SV2B: variants seen among roughly 807,000 people sequenced by gnomAD.
SV2B encodes the protein solute carrier family 22 member B2.
SV2B carries 41 observed loss-of-function variants against 73.9 expected under a neutral mutation model. The observed-to-expected ratio is 0.56, with a 90% CI of 0.43 to 0.72. The LOEUF (loss-of-function observed/expected upper bound fraction) is 0.72. Ranked by LOEUF, SV2B falls within the 30% of genes least tolerant of loss-of-function variation. SV2B has a pLI of 0.00. For synonymous variants in SV2B, 314 were observed against 314.2 expected (o/e 1.00, Z 0.01); for missense variants, 764 against 857.8 (o/e 0.89, Z 1.37).
intron 1 of SV2B, among the ~76,000 whole-genome samples, chr15:91,125,330 T>G (rs1335412269): frequency 1.3e-5 from 2 of 152,164 alleles, no homozygotes; most frequent in African/African-American, 4.8e-5. Flanking sequence ...CTTGTTGAGT[T>G]TCTGTTCTGT....
chr15:91,249,458 A>T (rs1567391707), intron 2 of SV2B, among the ~76,000 whole-genome samples: 1 of 152,242 alleles, frequency 6.6e-6, no homozygotes, highest in African/African-American at 2.4e-5. Context: ...GGATGGAACC[A>T]TTCCTCACTT....
rs1016275215 is a variant in SV2B at position 91,105,567 on chromosome 15, C to A, written c.-392+5204C>A. 6.6e-6 allele frequency among the ~76,000 whole-genome samples: 1 copy of A among 152,168 alleles called. No individual in the cohort carries two copies. Among genetic ancestry groups the A allele is most frequent in the Non-Finnish European group, 1.5e-5 (1 of 68,028 alleles). On this transcript the variant is annotated intron_variant, in intron 1 of 12. Transcript: ENST00000394232. The surrounding 1 kb of genome is among the most constrained non-coding windows in gnomAD (Gnocchi z 5.5). ...TGTAGGGCCTTGTGTAGACTTTAGC[C>A]TTTATTTTGAGGAAAATGGGACACC...
chr15:91,205,591 C>G (rs1437840262), intron 1 of SV2B, among the ~76,000 whole-genome samples: 1 of 152,082 alleles, frequency 6.6e-6, no homozygotes, highest in African/African-American at 2.4e-5. Flanking sequence ...GTCTCGAACT[C>G]TTGATATCAA....
chr15:91,235,357 A>G (rs1008604902), intron 2 of SV2B, among the ~76,000 whole-genome samples: 3 of 152,180 alleles, frequency 2.0e-5, no homozygotes, highest in African/African-American at 4.8e-5. Context: ...TTATTATAAT[A>G]CAGTCGGTGA....
intron 1 of SV2B, among the ~76,000 whole-genome samples, chr15:91,119,942 T>G (rs2151742642): frequency 1.3e-5 from 2 of 152,396 alleles, no homozygotes; most frequent in Middle Eastern, 3.4e-3. Context: ...TTTCCATATT[T>G]GTAAAAGCTC....
At position 91,214,415 on chromosome 15, in the gene SV2B, C is replaced by T. The variant is rs1177496341; in HGVS notation, c.-391-11458C>T. ...TATAACAATAGCTATTTTTATTGAG[C>T]TCTTTCTTGGTGATGGACACTGTGC... On this transcript the variant is annotated intron_variant, in intron 1 of 12. Coordinates refer to ENST00000394232, the MANE Select transcript of SV2B (RefSeq NM_001323032.3). The surrounding 1 kb of genome is among the most constrained non-coding windows in gnomAD (Gnocchi z 4.7). 2.0e-5 allele frequency among the ~76,000 whole-genome samples: 3 copies of T among 152,174 alleles called. No individual in the cohort carries two copies. The highest frequency in any genetic ancestry group is 7.2e-5 in the African/African-American group (3 of 41,434).
intron 1 of SV2B, among the ~76,000 whole-genome samples, chr15:91,219,348 C>G (rs1337072060): frequency 1.3e-5 from 2 of 152,120 alleles, no homozygotes; most frequent in African/African-American, 4.8e-5. Context: ...GGCTTATGAC[C>G]AAGATGTGCT....
At chr15:91,235,680 G>A (rs907909101) in intron 2 of SV2B, among the ~76,000 whole-genome samples, 1 of 152,174 alleles carries the variant, frequency 6.6e-6, no homozygotes, top group Admixed American at 6.5e-5. Context: ...TATTTTTTGT[G>A]CCTTTCAGCT....
At chr15:91,192,021 A>G (rs2045054930) in intron 1 of SV2B, among the ~76,000 whole-genome samples, 1 of 152,124 alleles carries the variant, frequency 6.6e-6, no homozygotes, top group Non-Finnish European at 1.5e-5. Context: ...ACCAGAGTGA[A>G]TATATTAGCG....
rs576236422 is a variant in SV2B, at chr15:91,288,407, A to G, written c.1709-1114A>G. Among the ~76,000 whole-genome samples the G allele has an allele frequency of 9.9e-5, 15 of 152,196 alleles. No individual in the cohort carries two copies. Among genetic ancestry groups the G allele is most frequent in the Non-Finnish European group, 1.5e-4 (10 of 68,032 alleles). ...CACATATATATGTTTTGTGGTGAGA[A>G]TATTTGAAATTTACTCTCTTAGCAA... On this transcript the variant is annotated intron_variant, in intron 11 of 12. Coordinates refer to ENST00000394232, the MANE Select transcript of SV2B (RefSeq NM_001323032.3). This position sits in a 1 kb window ranked among gnomAD's most constrained non-coding sequence, Gnocchi z 5.8.
At chr15:91,196,587 C>G (rs371375905) in intron 1 of SV2B, among the ~76,000 whole-genome samples, 272 of 152,220 alleles carry the variant, frequency 1.8e-3, no homozygotes, top group African/African-American at 6.1e-3. Context: ...GGGCCCTTGA[C>G]GCCATGTTAG....
chr15:91,228,591 G>A (rs1008531223), intron 2 of SV2B, among the ~76,000 whole-genome samples: 3 of 152,208 alleles, frequency 2.0e-5, no homozygotes, highest in East Asian at 1.9e-4. Flanking sequence ...GTGGTGCCTG[G>A]CAGCCTCATT....
At chr15:91,254,231 C>CTTTTTTTT (rs1206575033) in intron 4 of SV2B, among the ~76,000 whole-genome samples, 4 of 131,828 alleles carry the variant, frequency 3.0e-5, no homozygotes, top group African/African-American at 1.3e-4. Flanking sequence ...ATTATTTTCA[C>CTTTTTTTT]TTCTTTTTTT....
At chr15:91,125,780 G>GTAAAAAAAAAAAAAAAAA (rs2042459772) in intron 1 of SV2B, among the ~76,000 whole-genome samples, 2 of 40,560 alleles carry the variant, frequency 4.9e-5, no homozygotes, top group Non-Finnish European at 1.4e-4. Context: ...GTCTCAAGGG[G>GTAAAAAAAAAAAAAAAAA]CAAAAAAAAA....
At chr15:91,201,141 C>T (rs2045446116) in intron 1 of SV2B, among the ~76,000 whole-genome samples, 1 of 152,146 alleles carries the variant, frequency 6.6e-6, no homozygotes, top group African/African-American at 2.4e-5. Flanking sequence ...CTGACTCCCT[C>T]CTTTCAAACT....
chr15:91,111,501 C>A lies in SV2B; in HGVS notation c.-392+11138C>A, dbSNP rs116995630. On this transcript the variant is annotated intron_variant, in intron 1 of 12. Coordinates refer to ENST00000394232, the MANE Select transcript of SV2B (RefSeq NM_001323032.3). ...AGGCTGGAAGCCGTTGCTATTGCTG[C>A]ATGAGGAAAGAAGACGGGGGGCCAG... is the stretch of plus-strand genomic sequence containing the variant. Among the ~76,000 whole-genome samples the A allele has an allele frequency of 1.2e-4, 18 of 152,122 alleles. No homozygotes were observed. The East Asian group carries it at 3.5e-3, about 29-fold the overall frequency.
chr15:91,257,008 A>G (rs1047106588), intron 4 of SV2B, among the ~76,000 whole-genome samples: 2 of 152,242 alleles, frequency 1.3e-5, no homozygotes, highest in Admixed American at 1.3e-4. Flanking sequence ...TAAACTTTAT[A>G]AATTGATATA....
chr15:91,120,127 G>A (rs1189109144), intron 1 of SV2B, among the ~76,000 whole-genome samples: 3 of 152,150 alleles, frequency 2.0e-5, no homozygotes, highest in Non-Finnish European at 2.9e-5. Flanking sequence ...TTTTCACACT[G>A]CTGTAAAAGA....
At position 91,289,346 on chromosome 15, in the gene SV2B, G is replaced by C. The variant is rs1201001743; in HGVS notation, c.1709-175G>C. ...AGGGCTCTAATGCCATGTCTGGGGT[G>C]CCTTGTGAGGATTCCAGCTGTGCTC... is the stretch of plus-strand genomic sequence containing the variant. On this transcript the variant is annotated intron_variant, in intron 11 of 12. Coordinates refer to ENST00000394232, the MANE Select transcript of SV2B (RefSeq NM_001323032.3). This position sits in a 1 kb window ranked among gnomAD's most constrained non-coding sequence, Gnocchi z 4.9. Among the ~76,000 whole-genome samples, 1 of 152,196 alleles carries C rather than the reference G, an allele frequency of 6.6e-6. No individual in the cohort carries two copies. Among genetic ancestry groups the C allele is most frequent in the Non-Finnish European group, 1.5e-5 (1 of 68,034 alleles).
Sources: gnomAD v4.1 joint callset for allele counts (sites outside exome capture counted in the v4.1 genomes callset) on GRCh38, gnomAD v4.1.1 for gene constraint, Gnocchi (gnomAD v3.1) non-coding constraint, MANE v1.5 for transcripts, NCBI Gene and HGNC (gene_info 2026-07-23, HGNC 2026-07-21) for gene names.